The following ARHGAP29 variants were observed in gnomAD, a reference collection of about 807,000 sequenced individuals.
ARHGAP29 encodes Rho GTPase activating protein 29.
ARHGAP29 carries 43 observed loss-of-function variants against 122.6 expected under a neutral mutation model. That is an observed-to-expected ratio of 0.35 (90% CI 0.27 to 0.45). ARHGAP29 has a LOEUF of 0.45. ARHGAP29 is among the 20% of genes least tolerant of loss of function. The pLI is 1.00. For synonymous variants in ARHGAP29, 506 were observed against 497.1 expected (o/e 1.02, Z -0.24); for missense variants, 1,303 against 1,477.2 (o/e 0.88, Z 1.93).
At chr1:94,206,673 G>A (rs1308103999) in intron 5 of ARHGAP29, among the ~76,000 whole-genome samples, 2 of 152,144 alleles carry the variant, frequency 1.3e-5, no homozygotes, top group East Asian at 3.9e-4. Flanking sequence ...GAGGCGGACG[G>A]ATCACCTGAG....
At chr1:94,284,514 T>G in the ARHGAP29 span, among the ~76,000 whole-genome samples, 1 of 152,200 alleles carries the variant, frequency 6.6e-6, no homozygotes, top group Non-Finnish European at 1.5e-5. Context: ...CAATGAAATG[T>G]GAGCAGAAAT....
At chr1:94,271,491 T>G (rs1654992664) in intron 1 of ARHGAP29, among the ~76,000 whole-genome samples, 1 of 152,202 alleles carries the variant, frequency 6.6e-6, no homozygotes, top group Non-Finnish European at 1.5e-5. Context: ...TCATTTTTGT[T>G]TCTCCCCGTA....
intron 10 of ARHGAP29, 29 bp downstream of exon 10, chr1:94,202,889 G>T: frequency 1.3e-6 from 2 of 1,574,118 alleles, no homozygotes; most frequent in Non-Finnish European, 8.6e-7. Flanking sequence ...TTCACAAATA[G>T]GTACATGAAA....
At chr1:94,260,973 G>A (rs2100714291) in intron 1 of ARHGAP29, among the ~76,000 whole-genome samples, 1 of 152,206 alleles carries the variant, frequency 6.6e-6, no homozygotes, top group Admixed American at 6.5e-5. Flanking sequence ...AACCTCCTGT[G>A]TATCCCTGCA....
intron 3 of ARHGAP29, among the ~76,000 whole-genome samples, chr1:94,211,398 A>T (rs1231166265): frequency 6.6e-6 from 1 of 151,972 alleles, no homozygotes; most frequent in African/African-American, 2.4e-5. Context: ...ACATAAATTC[A>T]CAGTTGTAAC....
At chr1:94,269,315 C>G (rs750295346) in intron 1 of ARHGAP29, among the ~76,000 whole-genome samples, 6 of 152,150 alleles carry the variant, frequency 3.9e-5, no homozygotes, top group Non-Finnish European at 5.9e-5. Flanking sequence ...TTTAAAGAAT[C>G]TAATCTAGGG....
Position 94,237,547 on chromosome 1 carries a change from C to T in ARHGAP29, c.-165G>A, listed in dbSNP as rs1418494155. On this transcript the variant is annotated 5_prime_UTR_variant, in exon 1 of 23. Coordinates refer to ENST00000260526, the MANE Select transcript of ARHGAP29 (RefSeq NM_004815.4). ...ACGCCCGGCCAAATCTCAGCCGCAGCCGCAGCCGCAGCCACAGCCACAGGC... is the reference window on the plus strand; with the variant it reads ...ACGCCCGGCCAAATCTCAGCCGCAGTCGCAGCCGCAGCCACAGCCACAGGC... 3 of 991,160 alleles carry T rather than the reference C, an allele frequency of 3.0e-6. No homozygotes were observed. The African/African-American group carries it at 5.2e-5, about 17-fold the overall frequency. 61.4% of individuals were successfully genotyped at this position (991,160 alleles called of 1,614,324 possible).
At chr1:94,188,449 A>AC (rs1649940949) in intron 15 of ARHGAP29, among the ~76,000 whole-genome samples, 1 of 152,126 alleles carries the variant, frequency 6.6e-6, no homozygotes, top group Non-Finnish European at 1.5e-5. Flanking sequence ...CTTAAAAAAA[A>AC]ACACACATAA....
chr1:94,251,437 C>G (rs1654089569), intron 1 of ARHGAP29, among the ~76,000 whole-genome samples: 1 of 151,988 alleles, frequency 6.6e-6, no homozygotes, highest in Non-Finnish European at 1.5e-5. Context: ...CCGTGCCTGG[C>G]CTATCATACC....
intron 1 of ARHGAP29, among the ~76,000 whole-genome samples, chr1:94,270,915 A>G (rs1217245205): frequency 6.6e-6 from 1 of 152,238 alleles, no homozygotes; most frequent in African/African-American, 2.4e-5. Context: ...GCTGCATTAC[A>G]AATTACTTTA....
chr1:94,208,769 G>A lies in ARHGAP29; in HGVS notation c.510+63C>T, dbSNP rs372876858. 9.2e-6 allele frequency: 14 copies of A among 1,519,916 alleles called. No individual in the cohort carries two copies. In the African/African-American group the frequency reaches 1.8e-4, roughly 19 times the overall value. The allele number at this position is 1,519,916 out of a possible 1,614,324, so 94.2% of individuals were successfully genotyped here. On this transcript the variant is annotated intron_variant, in intron 5 of 22. Coordinates refer to ENST00000260526, the MANE Select transcript of ARHGAP29 (RefSeq NM_004815.4). Reference sequence around the variant, plus strand: ...GCCACCACCCCCGGCCTAAGATTAGGCAATAGTTGAAACATGAAGTTAAAA... The same window carrying A: ...GCCACCACCCCCGGCCTAAGATTAGACAATAGTTGAAACATGAAGTTAAAA...
intron 5 of ARHGAP29, among the ~76,000 whole-genome samples, chr1:94,207,707 AT>A (rs1651293813): frequency 2.0e-5 from 3 of 152,138 alleles, no homozygotes. Context: ...AACGGTCATA[AT>A]TTTTGGTAAT....
the ARHGAP29 span, among the ~76,000 whole-genome samples, chr1:94,291,458 G>T: frequency 6.6e-6 from 1 of 152,112 alleles, no homozygotes; most frequent in Admixed American, 6.5e-5. Flanking sequence ...TACATTTAAG[G>T]TTAATATTGT....
chr1:94,195,740 G>A (rs1004934450), intron 12 of ARHGAP29: 1 of 151,746 alleles, frequency 6.6e-6, no homozygotes, highest in African/African-American at 2.4e-5. Context: ...CACAATAGAA[G>A]TATATGCTCT....
At chr1:94,280,201 A>C in the ARHGAP29 span, among the ~76,000 whole-genome samples, 2 of 152,080 alleles carry the variant, frequency 1.3e-5, no homozygotes, top group African/African-American at 4.8e-5. Context: ...GGCCTGTGGG[A>C]GAGATTAACA....
Position 94,175,716 on chromosome 1 carries a change from G to A in ARHGAP29, c.2906-967C>T, listed in dbSNP as rs559888787. On this transcript the variant is annotated intron_variant, in intron 22 of 22. Transcript: ENST00000260526. Reference sequence around the variant, plus strand: ...TCTTTTATTGTTTTGTTTTGTTTTTGTTTTTTGAGACAGAGTCTCACTCTG... The same window carrying A: ...TCTTTTATTGTTTTGTTTTGTTTTTATTTTTTGAGACAGAGTCTCACTCTG... 2.0e-5 allele frequency among the ~76,000 whole-genome samples: 3 copies of A among 151,806 alleles called. No individual in the cohort carries two copies. The South Asian group carries it at 6.2e-4, about 32-fold the overall frequency.
chr1:94,204,466 G>A (rs540492059), intron 7 of ARHGAP29, among the ~76,000 whole-genome samples: 74 of 152,250 alleles, frequency 4.9e-4, no homozygotes, highest in Admixed American at 7.8e-4. Context: ...TCTATTATAA[G>A]CAAATAATAC....
chr1:94,231,819 A>C (rs572005240), intron 1 of ARHGAP29, among the ~76,000 whole-genome samples, 176 bp from the exon 2 acceptor site: 7 of 152,270 alleles, frequency 4.6e-5, no homozygotes, highest in Admixed American at 3.9e-4. Context: ...TGTATTATTG[A>C]TAATAGCAGT....
At chr1:94,243,609 T>C (rs1653687907) in intron 1 of ARHGAP29, among the ~76,000 whole-genome samples, 1 of 151,994 alleles carries the variant, frequency 6.6e-6, no homozygotes, top group African/African-American at 2.4e-5. Context: ...CTAAAGTCAA[T>C]ATCTAAGCTT....
Sources: allele counts gnomAD v4.1 joint callset (sites outside exome capture counted in the v4.1 genomes callset), GRCh38; gene constraint gnomAD v4.1.1; transcripts MANE v1.5; gene names NCBI Gene and HGNC (gene_info 2026-07-23, HGNC 2026-07-21).